Variants in MAPRE3 observed in about 807,000 individuals in gnomAD.
MAPRE3 encodes microtubule associated protein RP/EB family member 3, also known as microtubule-associated protein RP/EB family member 3.
Under a neutral mutation model 30.5 loss-of-function variants are expected in MAPRE3, and 2 were observed. The observed-to-expected ratio is 0.07, with a 90% confidence interval of 0.03 to 0.21. MAPRE3 has a LOEUF of 0.21. Ranked by LOEUF, MAPRE3 falls within the 10% of genes least tolerant of loss-of-function variation. The pLI is 1.00. For synonymous variants in MAPRE3, 110 were observed against 127.7 expected, an observed-to-expected ratio of 0.86 and a Z score of 0.93; for missense variants, 204 against 351.8, an observed-to-expected ratio of 0.58 and a Z score of 3.36.
chr2:27,002,419 C>CTT lies in MAPRE3; in HGVS notation c.-7-19781_-7-19780dup, dbSNP rs11372255. Among the ~76,000 whole-genome samples the CTT allele has an allele frequency of 7.5e-4, 110 of 146,998 alleles. 1 individual carries two copies. Among genetic ancestry groups the CTT allele is most frequent in the South Asian group, 1.9e-3 (9 of 4,616 alleles). ...TATATAAAATCTAAAGGCTTTTAAT[C>CTT]TTTTTTTTTTTTTAACCAAACTGCT... On this transcript the variant is annotated intron_variant, in intron 1 of 6. Coordinates refer to ENST00000233121, the MANE Select transcript of MAPRE3 (RefSeq NM_012326.4).
At chr2:27,026,103 C>T (rs1372517168) in intron 6 of MAPRE3, 71 bp downstream of exon 6, 1 of 1,568,194 alleles carries the variant, frequency 6.4e-7, no homozygotes, top group Non-Finnish European at 8.7e-7. Flanking sequence ...GCGATAGGGC[C>T]AGAAGGGACC....
At chr2:27,006,017 C>A (rs1666718284) in intron 1 of MAPRE3, among the ~76,000 whole-genome samples, 1 of 152,034 alleles carries the variant, frequency 6.6e-6, no homozygotes, top group South Asian at 2.1e-4. Context: ...CCCGTCTCTA[C>A]TAAAAATACA....
intron 1 of MAPRE3, among the ~76,000 whole-genome samples, chr2:27,019,029 G>A (rs985867266): frequency 6.6e-6 from 1 of 151,922 alleles, no homozygotes; most frequent in Non-Finnish European, 1.5e-5. Flanking sequence ...CAATTCTCCT[G>A]CCTCAGCCTC....
intron 1 of MAPRE3, among the ~76,000 whole-genome samples, chr2:26,995,976 C>G (rs1666450806): frequency 6.6e-6 from 1 of 151,850 alleles, no homozygotes; most frequent in Non-Finnish European, 1.5e-5. Flanking sequence ...TCATATCTGC[C>G]TATCGCCTCT....
chr2:27,025,436 G>A, intron 4 of MAPRE3, 147 bp from the exon 5 acceptor site: 1 of 777,446 alleles, frequency 1.3e-6, no homozygotes. Flanking sequence ...GGGCCTAGCT[G>A]TAGATGCCCT....
At chr2:27,014,012 C>A (rs529150101) in intron 1 of MAPRE3, 1 of 152,298 alleles carries the variant, frequency 6.6e-6, no homozygotes, top group African/African-American at 2.4e-5. Flanking sequence ...CAGCGAATGG[C>A]AAAGCCTGTA....
At position 27,022,545 on chromosome 2, in the gene MAPRE3, C is replaced by T. The variant is rs561665976; in HGVS notation, c.121+206C>T. On this transcript the variant is annotated intron_variant, in intron 2 of 6. Coordinates refer to ENST00000233121, the MANE Select transcript of MAPRE3 (RefSeq NM_012326.4). ...AACCTGGATGGTGTAGCCTACTACA[C>T]ACCTCGGCTATATGGTATAGCCTAC... 269 of 613,832 alleles carry T rather than the reference C, an allele frequency of 4.4e-4. 1 individual carries two copies. The highest frequency in any genetic ancestry group is 9.1e-4 in the Middle Eastern group (2 of 2,190). The allele number at this position is 613,832 out of a possible 1,614,324, so 38.0% of individuals were successfully genotyped here.
In MAPRE3 at chr2:26,975,543, T is replaced by G. The variant is rs879728986; in HGVS notation, c.-8+4741T>G. Among the ~76,000 whole-genome samples the G allele has an allele frequency of 7.2e-5, 11 of 151,740 alleles. 1 individual carries two copies. Among genetic ancestry groups the G allele is most frequent in the Admixed American group, 2.6e-4 (4 of 15,272 alleles). ...ATTTCAGTAGGGAAGGAAATACCCA[T>G]GTATAGACATCTAAAGATTGAAAAG... On this transcript the variant is annotated intron_variant, in intron 1 of 6. Transcript: ENST00000233121.
rs185765943 is a variant in MAPRE3, at chr2:27,004,419, C to G, written c.-7-17793C>G. On this transcript the variant is annotated intron_variant, in intron 1 of 6. Transcript: ENST00000233121. ...ACTTCTTAGCCCCTTCCTCCTCCCC[C>G]TCATTTTCTAGGCAAAAATATGATA... Among the ~76,000 whole-genome samples, 211 of 152,268 alleles carry G rather than the reference C, an allele frequency of 1.4e-3. 2 individuals carry two copies. Among genetic ancestry groups the G allele is most frequent in the Non-Finnish European group, 2.3e-3 (156 of 68,022 alleles).
chr2:26,973,590 C>T (rs1415159684), intron 1 of MAPRE3, among the ~76,000 whole-genome samples: 1 of 150,254 alleles, frequency 6.7e-6, no homozygotes, highest in African/African-American at 2.5e-5. Flanking sequence ...CTCTGTCGCC[C>T]AGGCCGGACT....
At position 27,000,368 on chromosome 2, in the gene MAPRE3, G is replaced by A. The variant is rs560843229; in HGVS notation, c.-7-21844G>A. Among the ~76,000 whole-genome samples the A allele has an allele frequency of 3.9e-5, 6 of 152,308 alleles. No individual in the cohort carries two copies. The East Asian group carries it at 1.2e-3, about 29-fold the overall frequency. On this transcript the variant is annotated intron_variant, in intron 1 of 6. Coordinates refer to ENST00000233121, the MANE Select transcript of MAPRE3 (RefSeq NM_012326.4). ...ATAAGTACAAGGCAGGCTCCTGTGA[G>A]AAATGACAGAGGTATGAGGCTGTGG...
intron 1 of MAPRE3, among the ~76,000 whole-genome samples, chr2:27,005,905 G>A (rs529067221): frequency 3.9e-5 from 6 of 152,286 alleles, no homozygotes; most frequent in African/African-American, 1.2e-4. Flanking sequence ...TGTGTCGGCC[G>A]GGCGCGGTGG....
At chr2:26,973,596 G>C (rs1303520860) in intron 1 of MAPRE3, among the ~76,000 whole-genome samples, 1 of 149,860 alleles carries the variant, frequency 6.7e-6, no homozygotes, top group East Asian at 2.0e-4. Context: ...CGCCCAGGCC[G>C]GACTGCGGAC....
chr2:27,006,933 A>G (rs1666742165), intron 1 of MAPRE3, among the ~76,000 whole-genome samples: 1 of 152,230 alleles, frequency 6.6e-6, no homozygotes, highest in African/African-American at 2.4e-5. Context: ...GATACATGGG[A>G]AGAAACCAAT....
rs1667180603 is a variant in MAPRE3 at position 27,024,243 on chromosome 2, C to A, written c.415C>A (p.Pro139Thr). 6.2e-7 allele frequency: 1 copy of A among 1,614,220 alleles called. No homozygotes were observed. The highest frequency in any genetic ancestry group is 8.5e-7 in the Non-Finnish European group (1 of 1,180,024). The stretch of plus-strand genomic sequence containing the variant: ...GCAGGGCCAGGACGTAGCGCCACCT[C>A]CTAACCCAGGTGATCAGATCTTCAA... ...ARQGQDVAPP[P>T]NPGDQIFNKS... Residue 139 changes from proline (P) to threonine (T), a missense_variant, in exon 4 of 7, where the codon CCT becomes ACT. By Grantham distance (38) the Pro-to-Thr change is conservative. Around this residue, in one of 5 missense-constraint regions of MAPRE3, gnomAD observed 101 missense variants for 205.4 expected, o/e 0.49. Transcript: ENST00000233121.
chr2:27,008,049 T>A (rs938463760), intron 1 of MAPRE3, among the ~76,000 whole-genome samples: 2 of 152,212 alleles, frequency 1.3e-5, no homozygotes, highest in African/African-American at 4.8e-5. Context: ...GAGGGTATTG[T>A]GCAAGTTTGG....
intron 1 of MAPRE3, among the ~76,000 whole-genome samples, chr2:26,990,496 T>G (rs1420561770): frequency 6.6e-6 from 1 of 152,050 alleles, no homozygotes; most frequent in Non-Finnish European, 1.5e-5. Flanking sequence ...AAGAATACCA[T>G]GCAACCATCA....
chr2:26,994,132 GAC>G (rs1207772603), intron 1 of MAPRE3, among the ~76,000 whole-genome samples: 1 of 152,186 alleles, frequency 6.6e-6, no homozygotes, highest in Non-Finnish European at 1.5e-5. Flanking sequence ...TGAGGAAACT[GAC>G]ACAATTCAGG....
chr2:26,983,927 A>G (rs1346780227), intron 1 of MAPRE3, among the ~76,000 whole-genome samples: 1 of 152,202 alleles, frequency 6.6e-6, no homozygotes. Context: ...GTCCCTGGGT[A>G]GCAGCTGCCC....
Sources: gnomAD v4.1 joint callset for allele counts (sites outside exome capture counted in the v4.1 genomes callset) on GRCh38, gnomAD v4.1.1 for gene constraint, gnomAD v4.1.1 regional missense constraint, MANE v1.5 for transcripts, NCBI Gene and HGNC (gene_info 2026-07-23, HGNC 2026-07-21) for gene names.